Variants in ANO10 observed in about 807,000 individuals in gnomAD.
ANO10 encodes anoctamin 10.
In ANO10, 77 loss-of-function variants were observed where a neutral mutation model predicts 74.7. The ratio of observed to expected loss-of-function variants is 1.03; its 90% CI spans 0.86 to 1.25. ANO10 has a LOEUF of 1.25. Ranked by LOEUF, ANO10 falls within the 50% of genes most tolerant of loss-of-function variation. ANO10 has a pLI of 0.00. For synonymous variants in ANO10, 279 were observed against 284.9 expected, an observed-to-expected ratio of 0.98 and a Z score of 0.21; for missense variants, 721 against 778.1, an observed-to-expected ratio of 0.93 and a Z score of 0.87.
chr3:43,400,705 G>A (rs921394932), intron 12 of ANO10, among the ~76,000 whole-genome samples: 4 of 152,116 alleles, frequency 2.6e-5, no homozygotes, highest in East Asian at 1.9e-4. Context: ...ACTTGGGCCC[G>A]GGAGTCTAAG....
At chr3:43,645,220 A>G (rs1026387852) in intron 1 of ANO10, among the ~76,000 whole-genome samples, 5 of 152,090 alleles carry the variant, frequency 3.3e-5, no homozygotes, top group Admixed American at 2.6e-4. Flanking sequence ...ACGCATCTCA[A>G]AGATTTAAGG....
Position 43,606,350 on chromosome 3 carries a change from G to A in ANO10, c.-11-487C>T, listed in dbSNP as rs919500454. On this transcript the variant is annotated intron_variant, in intron 1 of 12. Transcript: ENST00000292246. ...ATGGTGGGAACATTAACTTTGTGTAGGAGGAAAGAAGGGTGGGAATGAGCT... is the reference window on the plus strand; with the variant it reads ...ATGGTGGGAACATTAACTTTGTGTAAGAGGAAAGAAGGGTGGGAATGAGCT... 3.3e-5 allele frequency among the ~76,000 whole-genome samples: 5 copies of A among 152,276 alleles called. No individual in the cohort carries two copies. In the South Asian group the frequency reaches 1.0e-3, roughly 32 times the overall value.
At chr3:43,539,578 A>C (rs1005285791) in intron 11 of ANO10, among the ~76,000 whole-genome samples, 1 of 152,162 alleles carries the variant, frequency 6.6e-6, no homozygotes, top group Non-Finnish European at 1.5e-5. Flanking sequence ...CAGCAGAGGG[A>C]GCAGGTAATT....
chr3:43,462,086 A>T (rs1397003794), intron 11 of ANO10, among the ~76,000 whole-genome samples: 1 of 152,204 alleles, frequency 6.6e-6, no homozygotes, highest in African/African-American at 2.4e-5. Flanking sequence ...TTTAGCAAAG[A>T]GACTGGTGGC....
intron 4 of ANO10, among the ~76,000 whole-genome samples, chr3:43,591,371 A>G (rs1223816821): frequency 1.3e-5 from 2 of 152,136 alleles, no homozygotes; most frequent in Admixed American, 6.5e-5. Context: ...GGAGCTGAAC[A>G]CTAGTTGCTG....
At chr3:43,541,619 T>G (rs138644709) in intron 11 of ANO10, among the ~76,000 whole-genome samples, 41 of 152,268 alleles carry the variant, frequency 2.7e-4, no homozygotes, top group African/African-American at 9.1e-4. Context: ...GTACACTGAA[T>G]AAAAAAACTA....
chr3:43,517,530 T>C (rs1298591567), intron 11 of ANO10, among the ~76,000 whole-genome samples: 1 of 152,126 alleles, frequency 6.6e-6, no homozygotes, highest in Non-Finnish European at 1.5e-5. Flanking sequence ...CTATCATCCT[T>C]ACATGAAGAG....
At chr3:43,612,357 A>C (rs1386431123) in intron 1 of ANO10, among the ~76,000 whole-genome samples, 2 of 151,462 alleles carry the variant, frequency 1.3e-5, no homozygotes, top group Non-Finnish European at 2.9e-5. Flanking sequence ...CTGTTATCTC[A>C]CTAAAACTTG....
intron 11 of ANO10, among the ~76,000 whole-genome samples, chr3:43,509,718 A>C (rs1018441982): frequency 6.6e-6 from 1 of 152,204 alleles, no homozygotes; most frequent in Non-Finnish European, 1.5e-5. Context: ...GAGAAAGAAA[A>C]ACTTATGTTA....
At chr3:43,376,345 G>A (rs943353521) in intron 12 of ANO10, among the ~76,000 whole-genome samples, 1 of 152,176 alleles carries the variant, frequency 6.6e-6, no homozygotes, top group Non-Finnish European at 1.5e-5. Flanking sequence ...CAGTGGGCTG[G>A]GGGTGTCCTG....
At chr3:43,666,673 A>G (rs1022661346) in intron 1 of ANO10, among the ~76,000 whole-genome samples, 2 of 152,168 alleles carry the variant, frequency 1.3e-5, no homozygotes, top group African/African-American at 4.8e-5. Context: ...TAATTTATAA[A>G]TAATAGAAAT....
chr3:43,518,567 T>C (rs1326191819), intron 11 of ANO10, among the ~76,000 whole-genome samples: 1 of 152,162 alleles, frequency 6.6e-6, no homozygotes, highest in African/African-American at 2.4e-5. Context: ...CATATTTCTC[T>C]TCTTACAAAA....
chr3:43,577,749 G>A (rs1046278752), intron 5 of ANO10, among the ~76,000 whole-genome samples: 3 of 152,096 alleles, frequency 2.0e-5, no homozygotes, highest in Admixed American at 2.0e-4. Context: ...TTTCATCAAT[G>A]TGTTATGGAA....
intron 1 of ANO10, among the ~76,000 whole-genome samples, chr3:43,633,341 G>A (rs1366078499): frequency 1.3e-5 from 2 of 152,134 alleles, no homozygotes; most frequent in African/African-American, 4.8e-5. Flanking sequence ...GGAAAATGTT[G>A]TTTTATTTCC....
chr3:43,561,143 T>C, intron 9 of ANO10, 77 bp downstream of exon 9: 1 of 1,482,000 alleles, frequency 6.7e-7, no homozygotes, highest in Non-Finnish European at 9.4e-7. Flanking sequence ...ATCATGAATG[T>C]ATAACATTTG....
At chr3:43,619,800 A>C (rs942520640) in intron 1 of ANO10, among the ~76,000 whole-genome samples, 48 of 151,546 alleles carry the variant, frequency 3.2e-4, no homozygotes, top group African/African-American at 1.1e-3. Context: ...CCAGAGGTCA[A>C]GGCTGCAGTG....
intron 1 of ANO10, among the ~76,000 whole-genome samples, chr3:43,658,347 T>C (rs2083880713): frequency 6.6e-6 from 1 of 152,198 alleles, no homozygotes; most frequent in African/African-American, 2.4e-5. Flanking sequence ...CAGTACATTG[T>C]AGTATCTGTG....
intron 5 of ANO10, 54 bp from the exon 6 acceptor site, chr3:43,577,315 A>G: frequency 6.5e-7 from 1 of 1,530,798 alleles, no homozygotes; most frequent in Non-Finnish European, 9.0e-7. Flanking sequence ...CACTTTAAAA[A>G]ATCATTTCAA....
At chr3:43,537,481 C>T (rs892992095) in intron 11 of ANO10, among the ~76,000 whole-genome samples, 3 of 151,982 alleles carry the variant, frequency 2.0e-5, no homozygotes, top group African/African-American at 7.3e-5. Context: ...AAAATGGTCA[C>T]AGCTGGGGCC....
Sources: allele counts gnomAD v4.1 joint callset (sites outside exome capture counted in the v4.1 genomes callset), GRCh38; gene constraint gnomAD v4.1.1; transcripts MANE v1.5; gene names NCBI Gene and HGNC (gene_info 2026-07-23, HGNC 2026-07-21).